Variants in FGD3 observed in about 807,000 individuals in gnomAD.
The protein encoded by FGD3 is FYVE, RhoGEF and PH domain containing 3, also known as FYVE, RhoGEF and PH domain-containing protein 3.
FGD3 carries 45 observed loss-of-function variants against 71.8 expected under a neutral mutation model. That is an observed-to-expected ratio of 0.63 (90% CI 0.49 to 0.80). The LOEUF (loss-of-function observed/expected upper bound fraction) is 0.80. Among genes scored for constraint, FGD3 ranks in the 30% least tolerant of loss-of-function variants. The pLI is 0.00. For missense variants in FGD3, 844 were observed against 951.5 expected (o/e 0.89, Z 1.49); for synonymous variants, 378 against 392.8 (o/e 0.96, Z 0.44).
chr9:93,022,694 C>T (rs1861969955), intron 14 of FGD3, among the ~76,000 whole-genome samples: 1 of 152,162 alleles, frequency 6.6e-6, no homozygotes, highest in Admixed American at 6.5e-5. Flanking sequence ...CACAGCTGGG[C>T]ACACATGTGA....
chr9:92,953,429 C>T (rs1277429674), intron 1 of FGD3, among the ~76,000 whole-genome samples: 2 of 152,156 alleles, frequency 1.3e-5, no homozygotes, highest in Non-Finnish European at 2.9e-5. Flanking sequence ...CTGGGCTTGC[C>T]TCTCCACTTT....
At chr9:92,995,740 T>A (rs1860614609) in intron 3 of FGD3, among the ~76,000 whole-genome samples, 1 of 152,186 alleles carries the variant, frequency 6.6e-6, no homozygotes, top group Admixed American at 6.5e-5. Context: ...AATCATGTGG[T>A]TTTTGTCTTT....
chr9:93,022,771 A>AT (rs541148874), intron 14 of FGD3, among the ~76,000 whole-genome samples: 151 of 152,232 alleles, frequency 9.9e-4, no homozygotes, highest in African/African-American at 3.2e-3. Context: ...TAAAGCATGT[A>AT]TTAACAGTGC....
At chr9:92,991,826 G>C (rs1018413349) in intron 3 of FGD3, among the ~76,000 whole-genome samples, 1 of 151,854 alleles carries the variant, frequency 6.6e-6, no homozygotes, top group Non-Finnish European at 1.5e-5. Context: ...CTATATCTAG[G>C]TGCTCTAGTA....
intron 6 of FGD3, among the ~76,000 whole-genome samples, chr9:93,006,461 T>C (rs1343730165): frequency 6.6e-6 from 1 of 152,224 alleles, no homozygotes; most frequent in African/African-American, 2.4e-5. Flanking sequence ...CACGAGCTAT[T>C]ATCTGATGGA....
intron 3 of FGD3, among the ~76,000 whole-genome samples, chr9:92,989,559 C>CTG (rs1860320699): frequency 6.6e-6 from 1 of 152,232 alleles, no homozygotes; most frequent in South Asian, 2.1e-4. Flanking sequence ...GAAAAACAGT[C>CTG]TGTGGCCTGT....
intron 5 of FGD3, among the ~76,000 whole-genome samples, chr9:93,005,034 TG>T (rs943692559): frequency 2.6e-5 from 4 of 152,214 alleles, no homozygotes; most frequent in African/African-American, 9.6e-5. Flanking sequence ...TGCAAGGCCC[TG>T]GAGACTGCTA....
chr9:92,992,721 G>T (rs535329239), intron 3 of FGD3, among the ~76,000 whole-genome samples: 1 of 152,304 alleles, frequency 6.6e-6, no homozygotes, highest in South Asian at 2.1e-4. Context: ...GCATTCTGGA[G>T]GTTGCTCTGG....
chr9:93,019,175 C>G (rs1861819610), intron 11 of FGD3, among the ~76,000 whole-genome samples: 1 of 152,192 alleles, frequency 6.6e-6, no homozygotes, highest in African/African-American at 2.4e-5. Context: ...TATGCACATG[C>G]ACATATATCT....
intron 5 of FGD3, among the ~76,000 whole-genome samples, chr9:93,005,782 C>G (rs1370542928): frequency 6.6e-6 from 1 of 152,224 alleles, no homozygotes; most frequent in Non-Finnish European, 1.5e-5. Flanking sequence ...GTCACTGGTT[C>G]TAAGCTTGCA....
chr9:93,019,968 C>T, intron 12 of FGD3, 107 bp downstream of exon 12: 1 of 1,200,696 alleles, frequency 8.3e-7, no homozygotes. Context: ...GACTGCTGGC[C>T]CTGTGCTGTA....
In FGD3 at chr9:93,020,466, G is replaced by T. The variant is rs115867184; in HGVS notation, c.1494+42G>T. 1.8e-3 allele frequency: 2,817 copies of T among 1,559,960 alleles called. 49 individuals are homozygous for T. In the African/African-American group the frequency reaches 0.034, roughly 19 times the overall value. The stretch of plus-strand genomic sequence containing the variant: ...GGGTGCAGAGAGACCTCCAGGGGAC[G>T]GGCTACCTGTGGAGAGCAGAAGGCA... On this transcript the variant is annotated intron_variant, in intron 13 of 17. Transcript: ENST00000375482.
intron 7 of FGD3, 33 bp downstream of exon 7, chr9:93,010,417 C>A: frequency 6.3e-7 from 1 of 1,576,762 alleles, no homozygotes; most frequent in Non-Finnish European, 8.7e-7. Flanking sequence ...CAGGAGGGTG[C>A]AGGGGCACCT....
intron 1 of FGD3, among the ~76,000 whole-genome samples, chr9:92,953,027 C>T (rs1414736993): frequency 6.6e-6 from 1 of 152,162 alleles, no homozygotes; most frequent in Admixed American, 6.5e-5. Context: ...CTGGATTGGA[C>T]ATGGAGTGCA....
In FGD3 at chr9:93,029,862, G is replaced by A. The variant is rs1473812314; in HGVS notation, c.1558-12G>A. On this transcript the variant is annotated splice_polypyrimidine_tract_variant and intron_variant, in intron 14 of 17. Transcript: ENST00000375482. ...ATTCAGAAGCTGATGGCATCTATTT[G>A]CCTCCTTATAGCTCGAGCCCAGAAA... 1 of 1,610,544 alleles carries A rather than the reference G, an allele frequency of 6.2e-7. No homozygotes were observed. The highest frequency in any genetic ancestry group is 1.3e-5 in the African/African-American group (1 of 74,836).
intron 16 of FGD3, chr9:93,033,339 CCCCGTCCCCTTCT>C (rs1564173914): frequency 4.5e-6 from 1 of 223,616 alleles, no homozygotes; most frequent in African/African-American, 2.5e-5. Context: ...TCCTCCTCCT[CCCCGTCCCCTTCT>C]CCTCTTCCTC....
chr9:92,968,281 C>T (rs1275612505), intron 1 of FGD3, among the ~76,000 whole-genome samples: 3 of 152,084 alleles, frequency 2.0e-5, no homozygotes, highest in African/African-American at 4.8e-5. Flanking sequence ...GTTAAGGTGG[C>T]GGTGTGAGCC....
At chr9:93,024,280 G>A (rs142272972) in intron 14 of FGD3, among the ~76,000 whole-genome samples, 20 of 152,332 alleles carry the variant, frequency 1.3e-4, no homozygotes, top group South Asian at 8.3e-4. Context: ...ACACACAATC[G>A]CAGGGTCACA....
At chr9:93,015,465 A>T (rs1325350999) in intron 9 of FGD3, among the ~76,000 whole-genome samples, 2 of 152,130 alleles carry the variant, frequency 1.3e-5, no homozygotes, top group African/African-American at 4.8e-5. Flanking sequence ...TCAAAAAAAT[A>T]AAAAAAGGTT....
Sources: allele counts gnomAD v4.1 joint callset (sites outside exome capture counted in the v4.1 genomes callset), GRCh38; gene constraint gnomAD v4.1.1; transcripts MANE v1.5; gene names NCBI Gene and HGNC (gene_info 2026-07-23, HGNC 2026-07-21).